MYO7A: variants seen among roughly 807,000 people sequenced by gnomAD.
MYO7A encodes myosin VIIA, also known as unconventional myosin-VIIa.
MYO7A carries 210 observed loss-of-function variants against 263.8 expected under a neutral mutation model. The ratio of observed to expected loss-of-function variants is 0.80; its 90% CI spans 0.71 to 0.89. The LOEUF (loss-of-function observed/expected upper bound fraction) is 0.89, where lower values mean the gene tolerates loss of function less well. Among genes scored for constraint, MYO7A ranks in the 40% least tolerant of loss-of-function variants. MYO7A has a pLI of 0.00. For synonymous variants in MYO7A, 1,239 were observed against 1,197.3 expected, an observed-to-expected ratio of 1.03 and a Z score of -0.72; for missense variants, 2,820 against 2,968.3, an observed-to-expected ratio of 0.95 and a Z score of 1.16.
At chr11:77,210,880 C>T (rs952262197) in intron 44 of MYO7A, 3 of 367,822 alleles carry the variant, frequency 8.2e-6, no homozygotes, top group African/African-American at 4.1e-5. Flanking sequence ...TGGGGCTGCT[C>T]ATCTCACTGG....
chr11:77,201,702 C>T, intron 36 of MYO7A, 64 bp downstream of exon 36: 1 of 1,506,236 alleles, frequency 6.6e-7, no homozygotes, highest in Non-Finnish European at 9.1e-7. Context: ...GTCCACTTCC[C>T]ACAGCTGTAC....
At chr11:77,130,088 C>T (rs1258273082) in intron 1 of MYO7A, among the ~76,000 whole-genome samples, 4 of 152,244 alleles carry the variant, frequency 2.6e-5, no homozygotes, top group African/African-American at 9.6e-5. Context: ...ATCCTGAGGG[C>T]AGTGGGTGCT....
intron 3 of MYO7A, among the ~76,000 whole-genome samples, chr11:77,145,908 T>C (rs1167874454): frequency 1.3e-5 from 2 of 152,218 alleles, no homozygotes; most frequent in Non-Finnish European, 2.9e-5. Context: ...TTCTGGGGTC[T>C]GTCCATGACT....
chr11:77,172,360 C>T (rs1954177062), intron 15 of MYO7A, among the ~76,000 whole-genome samples: 1 of 152,172 alleles, frequency 6.6e-6, no homozygotes, highest in Admixed American at 6.5e-5. Flanking sequence ...ACCTCAGTGT[C>T]CTGAGGTGAC....
rs1238854527 is a variant in MYO7A at position 77,160,168 on chromosome 11, C to A, written c.1086C>A (p.Asn362Lys). ...TGGGGTGTTGCCTGTACCAGGTGAA[C>A]CCCCCAGACCTGATGAGCTGCCTGA... ...LATAASLLEVNPPDLMSCLTS... is the reference protein window; with the variant it reads ...LATAASLLEVKPPDLMSCLTS... Residue 362 changes from asparagine to lysine, a missense_variant, in exon 11 of 49, where the codon AAC (asparagine) becomes AAA (lysine). Transcript: ENST00000409709. 3.8e-6 allele frequency: 6 copies of A among 1,558,534 alleles called. No homozygotes were observed. Among genetic ancestry groups the A allele is most frequent in the African/African-American group, 1.4e-5 (1 of 73,294 alleles).
chr11:77,208,258 G>A (rs897830437), intron 42 of MYO7A, among the ~76,000 whole-genome samples, 172 bp from the exon 43 acceptor site: 1 of 152,290 alleles, frequency 6.6e-6, no homozygotes, highest in East Asian at 1.9e-4. Flanking sequence ...GGGCTCTTCC[G>A]GGGACACTCA....
chr11:77,162,917 C>T lies in MYO7A; in HGVS notation c.1619C>T (p.Pro540Leu). The T allele has an allele frequency of 6.2e-7, 1 of 1,613,820 alleles. No individual in the cohort carries two copies. Among genetic ancestry groups the T allele is most frequent in the Non-Finnish European group, 8.5e-7 (1 of 1,179,860 alleles). The change falls in exon 14 of 49, where the codon CCC becomes CTC. Residue 540 changes from proline (P) to leucine (L), a missense_variant. Physicochemically the swap from Pro to Leu is moderately conservative, Grantham distance 98. Transcript: ENST00000409709. ...SQHKLNANYI[P>L]PKNNHETQFG... Reference sequence around the variant, plus strand: ...CACAAGCTCAACGCCAACTACATCCCCCCCAAGAACAACCATGAGACCCAG... The same window carrying T: ...CACAAGCTCAACGCCAACTACATCCTCCCCAAGAACAACCATGAGACCCAG...
intron 15 of MYO7A, among the ~76,000 whole-genome samples, chr11:77,166,570 G>A (rs1953570397): frequency 3.3e-5 from 5 of 152,192 alleles, no homozygotes; most frequent in Admixed American, 3.3e-4. Flanking sequence ...GCCAGCCCCA[G>A]ACCCCATCAG....
chr11:77,211,119 C>A, intron 44 of MYO7A, 33 bp from the exon 45 acceptor site: 4 of 1,520,674 alleles, frequency 2.6e-6, no homozygotes, highest in Non-Finnish European at 3.6e-6. Context: ...TGCCAGGTCC[C>A]TGCACGCCTG....
Position 77,205,538 on chromosome 11 carries a change from C to G in MYO7A, c.5557C>G (p.His1853Asp), listed in dbSNP as rs370192806. ...CCCACCCAGCAACATCCTCCTGCCCCACGTGCAGCGCTTCCTGCAGTCCCG... is the reference window on the plus strand; with the variant it reads ...CCCACCCAGCAACATCCTCCTGCCCGACGTGCAGCGCTTCCTGCAGTCCCG... ...LFPPSNILLP[H>D]VQRFLQSRKH... The change falls in exon 40 of 49, where the codon CAC (histidine) becomes GAC (aspartate). Residue 1853 changes from histidine (H) to aspartate (D), a missense_variant. By Grantham distance (81) the His-to-Asp change is moderately conservative. Transcript: ENST00000409709. 1.9e-6 allele frequency: 3 copies of G among 1,609,754 alleles called. No homozygotes were observed. Among genetic ancestry groups the G allele is most frequent in the East Asian group, 2.2e-5 (1 of 44,734 alleles).
intron 27 of MYO7A, among the ~76,000 whole-genome samples, chr11:77,185,229 A>G (rs1555087766): frequency 6.6e-6 from 1 of 152,222 alleles, no homozygotes; most frequent in African/African-American, 2.4e-5. Flanking sequence ...GCGACAATTT[A>G]TTAAGATAAG....
chr11:77,184,975 A>T, intron 27 of MYO7A: 2 of 685,564 alleles, frequency 2.9e-6, no homozygotes, highest in Non-Finnish European at 5.2e-6. Flanking sequence ...TAAATATCAC[A>T]ATAAAGAGAG....
chr11:77,207,645 TA>T (rs1245637834), intron 42 of MYO7A, among the ~76,000 whole-genome samples: 1 of 152,194 alleles, frequency 6.6e-6, no homozygotes, highest in Non-Finnish European at 1.5e-5. Flanking sequence ...CTCTGTGTTC[TA>T]AAAACACCAG....
At chr11:77,154,623 G>T (rs533145372) in intron 4 of MYO7A, among the ~76,000 whole-genome samples, 1 of 89,608 alleles carries the variant, frequency 1.1e-5, no homozygotes, top group Non-Finnish European at 2.3e-5. Context: ...CCAGCCTCCC[G>T]CCCCCACCCC....
intron 39 of MYO7A, 100 bp from the exon 40 acceptor site, chr11:77,205,362 G>A: frequency 4.4e-6 from 6 of 1,358,438 alleles, no homozygotes; most frequent in Non-Finnish European, 6.0e-6. Flanking sequence ...CTGCTGTGAT[G>A]AGCAGCTGAG....
At chr11:77,130,313 T>C (rs1291545849) in intron 1 of MYO7A, among the ~76,000 whole-genome samples, 1 of 152,196 alleles carries the variant, frequency 6.6e-6, no homozygotes, top group African/African-American at 2.4e-5. Context: ...AGGTCCCTGG[T>C]GGGGCCAGAC....
chr11:77,197,363 A>G, intron 32 of MYO7A, 118 bp from the exon 33 acceptor site: 1 of 716,604 alleles, frequency 1.4e-6, no homozygotes, highest in East Asian at 2.7e-5. Flanking sequence ...CAAGGCCACG[A>G]TGCACAGGAG....
At position 77,160,197 on chromosome 11, in the gene MYO7A, G is replaced by A. The variant is rs782114301; in HGVS notation, c.1115G>A (p.Ser372Asn). 1.3e-6 allele frequency: 2 copies of A among 1,576,692 alleles called. No individual in the cohort carries two copies. Among genetic ancestry groups the A allele is most frequent in the Admixed American group, 1.8e-5 (1 of 54,936 alleles). ...NPPDLMSCLT[S>N]RTLITRGETV... ...CCAGACCTGATGAGCTGCCTGACTA[G>A]CCGCACCCTCATCACCCGCGGGGAG... Residue 372 changes from serine to asparagine, a missense_variant, in exon 11 of 49, where the codon AGC becomes AAC. Coordinates refer to ENST00000409709, the MANE Select transcript of MYO7A (RefSeq NM_000260.4).
In MYO7A at chr11:77,179,769, A is replaced by G; in HGVS notation, c.2402A>G (p.His801Arg). ...GGCTTCCTGCGGCTGCAGGCCCTGC[A>G]CCGCTCCCGGAAGCTGCACCAGCAG... ...RLGFLRLQAL[H>R]RSRKLHQQYR... The change falls in exon 21 of 49, where the codon CAC (histidine) becomes CGC (arginine). Residue 801 changes from histidine (H) to arginine (R), a missense_variant. Transcript: ENST00000409709. 1 of 1,550,652 alleles carries G rather than the reference A, an allele frequency of 6.4e-7. No individual in the cohort carries two copies. Among genetic ancestry groups the G allele is most frequent in the Non-Finnish European group, 8.7e-7 (1 of 1,149,510 alleles).
Sources: gnomAD v4.1 joint callset for allele counts (sites outside exome capture counted in the v4.1 genomes callset) on GRCh38, gnomAD v4.1.1 for gene constraint, MANE v1.5 for transcripts, NCBI Gene and HGNC (gene_info 2026-07-23, HGNC 2026-07-21) for gene names.